Variants in IQCM observed in about 807,000 individuals in gnomAD.
IQCM encodes IQ motif containing M.
In IQCM, 45 loss-of-function variants were observed where a neutral mutation model predicts 57.6. The observed-to-expected ratio is 0.78, with a 90% CI of 0.62 to 1.00. IQCM has a LOEUF of 1.00. Among genes scored for constraint, IQCM ranks in the 50% least tolerant of loss-of-function variants. IQCM has a pLI of 0.00. For synonymous variants in IQCM, 148 were observed against 158.9 expected (o/e 0.93, Z 0.51); for missense variants, 468 against 511.6 (o/e 0.91, Z 0.82).
Position 149,534,514 on chromosome 4 carries a change from GAAC to G in IQCM, c.1228+13938_1228+13940del, listed in dbSNP as rs1190027478. ...TCATGTCCTCTATATCCAAACCACT[GAAC>G]AACATCAGCCAAAAGGATGTTTGGA... On this transcript the variant is annotated intron_variant, in intron 12 of 13. Coordinates refer to ENST00000636793, the MANE Select transcript of IQCM (RefSeq NM_001363507.2). Among the ~76,000 whole-genome samples the G allele has an allele frequency of 2.6e-5, 4 of 152,088 alleles. No individual in the cohort carries two copies. The East Asian group carries it at 7.7e-4, about 29-fold the overall frequency.
intron 5 of IQCM, among the ~76,000 whole-genome samples, chr4:149,730,021 A>G (rs1766316077): frequency 6.6e-6 from 1 of 152,082 alleles, no homozygotes; most frequent in South Asian, 2.1e-4. Context: ...GAATTTCCCA[A>G]CTTCTTTACC....
chr4:149,722,584 G>C lies in IQCM; in HGVS notation c.385+10660C>G, dbSNP rs539803048. Among the ~76,000 whole-genome samples the C allele has an allele frequency of 3.9e-5, 6 of 152,096 alleles. No homozygotes were observed. The South Asian group carries it at 1.0e-3, about 26-fold the overall frequency. On this transcript the variant is annotated intron_variant, in intron 5 of 13. Transcript: ENST00000636793. ...GTATGCTTTCATCTGCTTTGTCAAA[G>C]ATCAGTTGGTTATAAAGCATTTGGC...
intron 9 of IQCM, among the ~76,000 whole-genome samples, chr4:149,570,813 A>C (rs1179631133): frequency 6.6e-6 from 1 of 152,106 alleles, no homozygotes; most frequent in Admixed American, 6.6e-5. Context: ...TATTGAATCA[A>C]AAGTTGCTAG....
chr4:149,729,598 C>T (rs1766276235), intron 5 of IQCM, among the ~76,000 whole-genome samples: 1 of 152,072 alleles, frequency 6.6e-6, no homozygotes, highest in South Asian at 2.1e-4. Flanking sequence ...CCTCAGCCTC[C>T]CAAATAGCTA....
At chr4:149,446,598 T>C (rs1255386471) in intron 12 of IQCM, among the ~76,000 whole-genome samples, 1 of 151,652 alleles carries the variant, frequency 6.6e-6, no homozygotes, top group Non-Finnish European at 1.5e-5. Flanking sequence ...TTGGAAGCAG[T>C]TGAGGGAAAT....
intron 12 of IQCM, among the ~76,000 whole-genome samples, chr4:149,532,392 A>C (rs1008255236): frequency 1.3e-5 from 2 of 152,136 alleles, no homozygotes; most frequent in Non-Finnish European, 2.9e-5. Flanking sequence ...AATCACACAG[A>C]ATACTCATGA....
intron 2 of IQCM, among the ~76,000 whole-genome samples, chr4:149,796,258 T>C (rs1773106551): frequency 1.3e-5 from 2 of 152,150 alleles, no homozygotes; most frequent in South Asian, 4.1e-4. Flanking sequence ...TAAGAAAACA[T>C]AAGCAGTAGT....
chr4:149,383,311 A>C (rs1402509662), intron 13 of IQCM, among the ~76,000 whole-genome samples: 1 of 152,178 alleles, frequency 6.6e-6, no homozygotes, highest in African/African-American at 2.4e-5. Flanking sequence ...GGTAATATCT[A>C]GTCATTAAAT....
At chr4:149,386,671 T>G (rs971745522) in intron 13 of IQCM, among the ~76,000 whole-genome samples, 2 of 152,042 alleles carry the variant, frequency 1.3e-5, no homozygotes, top group Admixed American at 6.6e-5. Flanking sequence ...GTCCACACAG[T>G]GTGTTTGGTT....
At chr4:149,652,560 T>C (rs1255750254) in intron 7 of IQCM, among the ~76,000 whole-genome samples, 1 of 151,106 alleles carries the variant, frequency 6.6e-6, no homozygotes, top group Non-Finnish European at 1.5e-5. Flanking sequence ...AAAAAGGATA[T>C]AAAAGCTGAG....
intron 7 of IQCM, among the ~76,000 whole-genome samples, chr4:149,625,873 G>A (rs543864601): frequency 1.3e-5 from 2 of 152,188 alleles, no homozygotes; most frequent in African/African-American, 2.4e-5. Flanking sequence ...TGACAGATTC[G>A]ATAGACTAAA....
At chr4:149,674,719 C>T (rs879637835) in intron 7 of IQCM, among the ~76,000 whole-genome samples, 1 of 152,036 alleles carries the variant, frequency 6.6e-6, no homozygotes. Context: ...AATTAAAAAT[C>T]CAGGTGGAAA....
At chr4:149,694,049 C>T (rs1763134997) in intron 5 of IQCM, among the ~76,000 whole-genome samples, 1 of 152,012 alleles carries the variant, frequency 6.6e-6, no homozygotes, top group South Asian at 2.1e-4. Context: ...CCCTTGAATC[C>T]TCAGCACTTC....
chr4:149,420,770 T>C (rs967980332), intron 13 of IQCM, among the ~76,000 whole-genome samples: 1 of 152,088 alleles, frequency 6.6e-6, no homozygotes, highest in Admixed American at 6.6e-5. Flanking sequence ...ATATAGTAAT[T>C]ATGTTTTGAA....
At chr4:149,500,314 C>T (rs1743105424) in intron 12 of IQCM, among the ~76,000 whole-genome samples, 1 of 152,162 alleles carries the variant, frequency 6.6e-6, no homozygotes, top group Non-Finnish European at 1.5e-5. Flanking sequence ...AAATGACTCA[C>T]AGGCTTAAGT....
At chr4:149,729,470 T>TG (rs1242905890) in intron 5 of IQCM, among the ~76,000 whole-genome samples, 2 of 149,626 alleles carry the variant, frequency 1.3e-5, no homozygotes, top group Non-Finnish European at 3.0e-5. Context: ...TGTTTTTTTT[T>TG]TTGTTGTTTT....
chr4:149,760,009 CA>C (rs1461688383), intron 2 of IQCM, among the ~76,000 whole-genome samples: 1 of 102,510 alleles, frequency 9.8e-6, no homozygotes, highest in Non-Finnish European at 1.9e-5. Flanking sequence ...AGGTTCTAGA[CA>C]GAAGGAAGGA....
chr4:149,524,301 T>C (rs1745947919), intron 12 of IQCM, among the ~76,000 whole-genome samples: 1 of 152,084 alleles, frequency 6.6e-6, no homozygotes, highest in Non-Finnish European at 1.5e-5. Context: ...ATGAAAATGT[T>C]CTATATGTTC....
intron 8 of IQCM, among the ~76,000 whole-genome samples, chr4:149,610,616 G>T (rs550551381): frequency 3.3e-5 from 5 of 152,066 alleles, no homozygotes; most frequent in African/African-American, 1.2e-4. Flanking sequence ...AACACGGCCT[G>T]GGAAAATAAC....
Sources: gnomAD v4.1 joint callset for allele counts (sites outside exome capture counted in the v4.1 genomes callset) on GRCh38, gnomAD v4.1.1 for gene constraint, MANE v1.5 for transcripts, NCBI Gene and HGNC (gene_info 2026-07-23, HGNC 2026-07-21) for gene names.